The following ANKRD36C variants were observed in gnomAD, a reference collection of about 807,000 sequenced individuals.
ANKRD36C encodes ankyrin repeat domain 36C.
ANKRD36C carries 61 observed loss-of-function variants against 276.4 expected under a neutral mutation model. The observed-to-expected ratio is 0.22, with a 90% CI of 0.18 to 0.27. The LOEUF is 0.27. Among genes scored for constraint, ANKRD36C ranks in the 10% least tolerant of loss-of-function variants. The probability of loss-of-function intolerance (pLI) is 1.00; values close to 1 mark genes in which losing one functional copy is unlikely to be tolerated. For missense variants in ANKRD36C, 1,447 were observed against 2,032.3 expected, an observed-to-expected ratio of 0.71 and a Z score of 5.54; for synonymous variants, 483 against 680.1, an observed-to-expected ratio of 0.71 and a Z score of 4.51.
chr2:95,892,298 C>A (rs1254607971), intron 44 of ANKRD36C, among the ~76,000 whole-genome samples: 1 of 151,472 alleles, frequency 6.6e-6, no homozygotes, highest in Admixed American at 6.6e-5. Flanking sequence ...CTTTAACTTG[C>A]CCAGTTAATG....
intron 63 of ANKRD36C, 30 bp downstream of exon 83, chr2:95,855,236 T>G (rs1282722647): frequency 6.6e-7 from 1 of 1,514,792 alleles, no homozygotes; most frequent in African/African-American, 1.4e-5. Context: ...TCAGGAAGTT[T>G]GAAAAATACT....
Position 95,859,846 on chromosome 2 carries a change from A to G in ANKRD36C, c.3896+15T>C. ...AAACAAACAGTTCAAACATTTATTT[A>G]AAACTAGGTCATACCTCAAACTACA... is the stretch of plus-strand genomic sequence containing the variant. On this transcript the variant is annotated intron_variant, in intron 61 of 66. Coordinates refer to ENST00000456556, the Ensembl canonical transcript of ANKRD36C. The G allele has an allele frequency of 6.5e-7, 1 of 1,548,054 alleles. No homozygotes were observed. The highest frequency in any genetic ancestry group is 8.7e-7 in the Non-Finnish European group (1 of 1,145,812).
At chr2:95,939,884 C>T (rs1677826098) in intron 20 of ANKRD36C, among the ~76,000 whole-genome samples, 1 of 152,248 alleles carries the variant, frequency 6.6e-6, no homozygotes, top group African/African-American at 2.4e-5. Flanking sequence ...GTTCTCTTGC[C>T]ATCTTTTCAT....
At chr2:95,915,769 A>C (rs904846965) in intron 38 of ANKRD36C, among the ~76,000 whole-genome samples, 1 of 151,336 alleles carries the variant, frequency 6.6e-6, no homozygotes, top group Non-Finnish European at 1.5e-5. Context: ...TCTTCCTCCC[A>C]ATTGCAATGT....
At chr2:95,912,428 A>G (rs1489519190) in exon 41 of ANKRD36C, 29 of 1,604,926 alleles carry the variant, frequency 1.8e-5, no homozygotes, top group Non-Finnish European at 2.4e-5. Flanking sequence ...GTTTTTTCCG[A>G]GAAGACACTG....
chr2:95,955,792 A>G (rs1678313238), intron 13 of ANKRD36C, among the ~76,000 whole-genome samples: 1 of 152,180 alleles, frequency 6.6e-6, no homozygotes, highest in Non-Finnish European at 1.5e-5. Context: ...CTGAACAACC[A>G]CTTGATCAGG....
At chr2:95,884,120 A>G in intron 54 of ANKRD36C, 53 bp downstream of exon 74, 5 of 1,544,768 alleles carry the variant, frequency 3.2e-6, no homozygotes, top group Non-Finnish European at 3.5e-6. Flanking sequence ...TGGGAAGAGA[A>G]GTTCTTTTCT....
At chr2:95,989,216 T>C (rs923451823) in intron 1 of ANKRD36C, among the ~76,000 whole-genome samples, 4 of 151,914 alleles carry the variant, frequency 2.6e-5, no homozygotes, top group African/African-American at 7.3e-5. Flanking sequence ...AAATAGAAAC[T>C]GAGAATTATT....
At chr2:95,857,525 T>C (rs1269019534) in intron 61 of ANKRD36C, 33 bp from the exon 82 acceptor site, 1 of 1,532,594 alleles carries the variant, frequency 6.5e-7, no homozygotes, top group Non-Finnish European at 8.8e-7. Flanking sequence ...ATTTATCTTA[T>C]CAGTGAGGAC....
chr2:95,935,731 A>C, intron 22 of ANKRD36C, 87 bp from the exon 23 acceptor site: 2 of 1,478,710 alleles, frequency 1.4e-6, no homozygotes, highest in Non-Finnish European at 1.8e-6. Context: ...CCATGACTAC[A>C]ACTAACACAG....
intron 26 of ANKRD36C, among the ~76,000 whole-genome samples, chr2:95,928,490 C>A (rs1558643627): frequency 6.6e-6 from 1 of 151,520 alleles, no homozygotes; most frequent in Admixed American, 6.6e-5. Flanking sequence ...CAGCCAAAAT[C>A]AAATCTTCTT....
At position 95,876,572 on chromosome 2, in the gene ANKRD36C, T is replaced by C. The variant is rs553770694; in HGVS notation, c.3470-63A>G. 2.7e-4 allele frequency: 264 copies of C among 979,146 alleles called. No homozygotes were observed. The Middle Eastern group carries it at 3.9e-3, about 14-fold the overall frequency. 60.7% of individuals were successfully genotyped at this position (979,146 alleles called of 1,614,324 possible). A position where few individuals can be genotyped will look rare whatever the true frequency, so the allele number is the denominator to read the frequency against. ...ACACAGAACAGTTAGATAAAAGCCATGGTCAGCGGTGGCTCACGCCTGTAA... is the reference window on the plus strand; with the variant it reads ...ACACAGAACAGTTAGATAAAAGCCACGGTCAGCGGTGGCTCACGCCTGTAA... On this transcript the variant is annotated intron_variant, in intron 58 of 66. Transcript: ENST00000456556.
rs961962573 is a variant in ANKRD36C at position 95,897,194 on chromosome 2, C to A, written c.2755+1951G>T. The A allele has an allele frequency of 1.3e-4, 154 of 1,167,046 alleles. 4 individuals carry two copies. Among genetic ancestry groups the A allele is most frequent in the Non-Finnish European group, 1.5e-4 (128 of 840,804 alleles). 72.3% of individuals were successfully genotyped at this position (1,167,046 alleles called of 1,614,324 possible). On this transcript the variant is annotated intron_variant, in intron 44 of 66. Transcript: ENST00000456556. The stretch of plus-strand genomic sequence containing the variant: ...AGAATGTGCAGCTTCAACGAGCCCC[C>A]CGCTGATTTATTCACGGAAGAGAAT...
At chr2:95,938,538 G>T (rs1438296681) in intron 22 of ANKRD36C, among the ~76,000 whole-genome samples, 1 of 152,090 alleles carries the variant, frequency 6.6e-6, no homozygotes, top group Non-Finnish European at 1.5e-5. Flanking sequence ...AAAATATTTA[G>T]TGTCAAAATA....
chr2:95,879,354 T>G (rs1418267596), intron 58 of ANKRD36C, among the ~76,000 whole-genome samples: 2 of 151,938 alleles, frequency 1.3e-5, no homozygotes, highest in Admixed American at 6.6e-5. Context: ...CAAACTATAG[T>G]TAGAAACAAT....
In ANKRD36C at chr2:95,897,552, G is replaced by T. The variant is rs1489131479; in HGVS notation, c.2755+1593C>A. 6.8e-5 allele frequency: 102 copies of T among 1,493,478 alleles called. 2 individuals carry two copies. The highest frequency in any genetic ancestry group is 1.1e-5 in the Non-Finnish European group (12 of 1,103,108). 92.5% of individuals were successfully genotyped at this position (1,493,478 alleles called of 1,614,324 possible). A position where few individuals can be genotyped will look rare whatever the true frequency, so the allele number is the denominator to read the frequency against. On this transcript the variant is annotated intron_variant, in intron 44 of 66. Transcript: ENST00000456556. ...TCATGCAGTGTTAGCATCAACCTCC[G>T]TCCTCCTGCCTGTATTAGCGTAGGC...
intron 34 of ANKRD36C, 117 bp from the exon 35 acceptor site, chr2:95,920,037 A>C: frequency 6.7e-6 from 8 of 1,202,704 alleles, no homozygotes; most frequent in Non-Finnish European, 9.1e-6. Context: ...GTAGGCTCTG[A>C]TGTCTTCTAC....
chr2:95,971,230 G>A (rs1678689884), intron 6 of ANKRD36C, among the ~76,000 whole-genome samples: 1 of 151,646 alleles, frequency 6.6e-6, no homozygotes, highest in African/African-American at 2.4e-5. Context: ...TTTCAGGGCA[G>A]TGAAAGTATT....
chr2:95,884,553 C>T (rs1676159027), intron 52 of ANKRD36C, among the ~76,000 whole-genome samples, 185 bp from the exon 73 acceptor site: 1 of 151,974 alleles, frequency 6.6e-6, no homozygotes, highest in African/African-American at 2.4e-5. Context: ...ATACAGCCTT[C>T]ATGAAAAATA....
Sources: gnomAD v4.1 joint callset for allele counts (sites outside exome capture counted in the v4.1 genomes callset) on GRCh38, gnomAD v4.1.1 for gene constraint, MANE v1.5 for transcripts, NCBI Gene and HGNC (gene_info 2026-07-23, HGNC 2026-07-21) for gene names.